MYH11: variants seen among roughly 807,000 people sequenced by gnomAD.
MYH11 encodes the protein myosin-11.
MYH11 carries 80 observed loss-of-function variants against 246.6 expected under a neutral mutation model. The ratio of observed to expected loss-of-function variants is 0.32; its 90% CI spans 0.27 to 0.39. The LOEUF is 0.39. MYH11 is among the 10% of genes least tolerant of loss of function. The probability of loss-of-function intolerance (pLI) is 1.00; values close to 1 mark genes in which losing one functional copy is unlikely to be tolerated. For synonymous variants in MYH11, 1,071 were observed against 1,015.5 expected, an observed-to-expected ratio of 1.05 and a Z score of -1.04; for missense variants, 2,158 against 2,546.8, an observed-to-expected ratio of 0.85 and a Z score of 3.29.
In MYH11 at chr16:15,724,980, T is replaced by G. The variant is rs1206843088; in HGVS notation, c.3871A>C (p.Ser1291Arg). ...KVHKLQNEVESVTGMLNEAEG... is the reference protein window; with the variant it reads ...KVHKLQNEVERVTGMLNEAEG... ...GCCTCGTTAAGCATCCCTGTGACGC[T>G]CTCAACTTCATTCTAAGGGTGCCAA... The change falls in exon 29 of 41, where the codon AGC (serine) becomes CGC (arginine). Residue 1291 changes from serine (S) to arginine (R), a missense_variant. Around this residue, in one of 11 missense-constraint regions of MYH11, gnomAD observed 1,013 missense variants for 993.5 expected, o/e 1.02. Transcript: ENST00000300036. 1 of 1,613,818 alleles carries G rather than the reference T, an allele frequency of 6.2e-7. No homozygotes were observed. Among genetic ancestry groups the G allele is most frequent in the African/African-American group, 1.3e-5 (1 of 74,884 alleles).
chr16:15,718,973 TAAA>T (rs2151202702), intron 36 of MYH11: 1 of 508,480 alleles, frequency 2.0e-6, no homozygotes, highest in East Asian at 3.8e-5. Context: ...ACTAAAAATA[TAAA>T]AATTAGCCAG....
intron 27 of MYH11, among the ~76,000 whole-genome samples, chr16:15,728,308 T>C (rs1419267808): frequency 3.3e-5 from 5 of 152,190 alleles, no homozygotes; most frequent in African/African-American, 4.8e-5. Flanking sequence ...TTAAAATTAA[T>C]GGAGCAGTAA....
intron 1 of MYH11, among the ~76,000 whole-genome samples, chr16:15,851,372 T>C (rs2044324716): frequency 6.6e-6 from 1 of 152,140 alleles, no homozygotes. Flanking sequence ...ATATAGACCA[T>C]CTCACTGTCT....
Position 15,703,872 on chromosome 16 carries a change from G to C in MYH11, c.*119C>G. On this transcript the variant is annotated 3_prime_UTR_variant, in exon 41 of 41. Transcript: ENST00000300036. ...TATTTGGAATTTGAGAATGGATTTAGACAATGCTAAGTACAGTCTGCTGGG... is the reference window on the plus strand; with the variant it reads ...TATTTGGAATTTGAGAATGGATTTACACAATGCTAAGTACAGTCTGCTGGG... The C allele has an allele frequency of 7.4e-7, 1 of 1,352,182 alleles. No homozygotes were observed. The highest frequency in any genetic ancestry group is 1.1e-6 in the Non-Finnish European group (1 of 948,710). 83.8% of individuals were successfully genotyped at this position (1,352,182 alleles called of 1,614,324 possible). A position where few individuals can be genotyped will look rare whatever the true frequency, so the allele number is the denominator to read the frequency against.
At chr16:15,741,016 G>A (rs1170283798) in intron 22 of MYH11, 1 of 306,076 alleles carries the variant, frequency 3.3e-6, no homozygotes, top group Non-Finnish European at 6.3e-6. Context: ...AGTAGAAGTG[G>A]GTCCTCCAGC....
chr16:15,712,143 C>A (rs1247090294), intron 40 of MYH11, among the ~76,000 whole-genome samples: 1 of 152,132 alleles, frequency 6.6e-6, no homozygotes, highest in East Asian at 1.9e-4. Context: ...GAGAGAGGAG[C>A]CAGTTTGGGG....
chr16:15,718,768 G>C, intron 36 of MYH11: 1 of 453,736 alleles, frequency 2.2e-6, no homozygotes, highest in Non-Finnish European at 4.0e-6. Flanking sequence ...AAGCGCTGAC[G>C]GAAAACCTAA....
intron 3 of MYH11, among the ~76,000 whole-genome samples, chr16:15,802,566 G>A (rs1450072057): frequency 6.6e-6 from 1 of 152,038 alleles, no homozygotes; most frequent in Non-Finnish European, 1.5e-5. Flanking sequence ...CTCCCTCTTC[G>A]GCCTCCCCTG....
chr16:15,836,310 C>T (rs754592656), intron 2 of MYH11, among the ~76,000 whole-genome samples: 1 of 152,144 alleles, frequency 6.6e-6, no homozygotes, highest in African/African-American at 2.4e-5. Context: ...CTACCCAGTA[C>T]ACCAGCCACT....
At position 15,717,183 on chromosome 16, in the gene MYH11, C is replaced by T. The variant is rs773689672; in HGVS notation, c.5461G>A (p.Ala1821Thr). Residue 1821 changes from alanine to threonine, a missense_variant, in exon 38 of 41, where the codon GCC becomes ACC. By Grantham distance (58) the Ala-to-Thr change is moderately conservative (BLOSUM62 0). Coordinates refer to ENST00000300036, the MANE Select transcript of MYH11 (RefSeq NM_002474.3). The stretch of plus-strand genomic sequence containing the variant: ...TGCTCCTCCAGCTGTGCAATCTTGG[C>T]CTCCAGCGCCGCGATGGTGGACTTG... ...KFKSTIAALE[A>T]KIAQLEEQVE... 13 of 1,614,092 alleles carry T rather than the reference C, an allele frequency of 8.1e-6. No homozygotes were observed. The East Asian group carries it at 1.3e-4, about 17-fold the overall frequency.
At chr16:15,856,038 T>A (rs2044458539) in intron 1 of MYH11, among the ~76,000 whole-genome samples, 1 of 152,142 alleles carries the variant, frequency 6.6e-6, no homozygotes, top group Non-Finnish European at 1.5e-5. Context: ...CAACAGGCAG[T>A]AGCCACACTT....
chr16:15,744,694 G>GTATTTTAAGA (rs2041368983), intron 20 of MYH11, among the ~76,000 whole-genome samples: 2 of 151,258 alleles, frequency 1.3e-5, no homozygotes, highest in African/African-American at 2.4e-5. Flanking sequence ...GTAGAGACAG[G>GTATTTTAAGA]GTTTTGCCAT....
rs759849688 is a variant in MYH11 at position 15,837,864 on chromosome 16, C to T, written c.345+44G>A. ...CAACACATTTCTAATGCCTACTTTC[C>T]TTATGAGGCCAGGAGTAGGTACCTG... On this transcript the variant is annotated intron_variant, in intron 2 of 40. Transcript: ENST00000300036. 2.6e-6 allele frequency: 4 copies of T among 1,555,762 alleles called. No individual in the cohort carries two copies. In the South Asian group the frequency reaches 4.4e-5, roughly 17 times the overall value.
At chr16:15,720,807 C>T (rs921980128) in intron 33 of MYH11, 32 bp downstream of exon 33, 9 of 1,606,946 alleles carry the variant, frequency 5.6e-6, no homozygotes, top group Non-Finnish European at 6.0e-6. Flanking sequence ...GCCACCCGAC[C>T]TCCCTCTGCT....
At chr16:15,785,007 G>GTTTTT in intron 5 of MYH11, 10 of 67,316 alleles carry the variant, frequency 1.5e-4, no homozygotes, top group South Asian at 3.9e-4. Context: ...TAATTCTCTT[G>GTTTTT]ATTTTTTTTT....
rs1368592900 is a variant in MYH11 at position 15,766,343 on chromosome 16, T to TGGTG, written c.1034-2456_1034-2453dup. 1.6e-3 allele frequency among the ~76,000 whole-genome samples: 204 copies of TGGTG among 128,930 alleles called. 1 individual carries two copies. Among genetic ancestry groups the TGGTG allele is most frequent in the South Asian group, 2.3e-3 (9 of 3,832 alleles). The allele number at this position is 128,930 out of a possible 152,430, so 84.6% of individuals were successfully genotyped here. ...TTATGTGAAGTGTACCCATGTTTTT[T>TGGTG]GGTGTGTGTGTGTGTGTGTGTGTGT... On this transcript the variant is annotated intron_variant, in intron 9 of 40. Transcript: ENST00000300036.
At chr16:15,722,285 A>G (rs942789457) in intron 31 of MYH11, among the ~76,000 whole-genome samples, 19 of 152,234 alleles carry the variant, frequency 1.2e-4, no homozygotes, top group African/African-American at 4.3e-4. Context: ...AGCTATTAAT[A>G]TCTTACAAAA....
At position 15,738,681 on chromosome 16, in the gene MYH11, T is replaced by C. The variant is rs755584033; in HGVS notation, c.3005A>G (p.Lys1002Arg). 6.2e-7 allele frequency: 1 copy of C among 1,613,872 alleles called. No individual in the cohort carries two copies. Among genetic ancestry groups the C allele is most frequent in the Admixed American group, 1.7e-5 (1 of 60,006 alleles). The change falls in exon 24 of 41, where the codon AAA (lysine) becomes AGA (arginine). Residue 1002 changes from lysine (K) to arginine (R), a missense_variant. Lys to Arg is a conservative substitution (Grantham distance 26). This residue lies in a region of MYH11 where 284 missense variants were observed against 315.4 expected (regional missense o/e 0.90). Transcript: ENST00000300036. ...DQNNKLSKER[K>R]LLEERISDLT... ...GTCACTAATCCTCTCCTCAAGGAGTTTTCGTTCCTTTTTGGGGAAAGAGAA... is the reference window on the plus strand; with the variant it reads ...GTCACTAATCCTCTCCTCAAGGAGTCTTCGTTCCTTTTTGGGGAAAGAGAA...
rs574393797 is a variant in MYH11, at chr16:15,726,708, G to A, written c.3858+140C>T. On this transcript the variant is annotated intron_variant, in intron 28 of 40. Transcript: ENST00000300036. ...TATTTAATTGAACAGGGAGATCATC[G>A]CCTCTCCTCCAGGAACGCAACTAGA... is the stretch of plus-strand genomic sequence containing the variant. 3.0e-5 allele frequency: 29 copies of A among 965,840 alleles called. 1 individual carries two copies. Among genetic ancestry groups the A allele is most frequent in the African/African-American group, 6.5e-5 (4 of 61,816 alleles). The allele number at this position is 965,840 out of a possible 1,614,324, so 59.8% of individuals were successfully genotyped here. A position where few individuals can be genotyped will look rare whatever the true frequency, so the allele number is the denominator to read the frequency against.
Sources: gnomAD v4.1 joint callset for allele counts (sites outside exome capture counted in the v4.1 genomes callset) on GRCh38, gnomAD v4.1.1 for gene constraint, gnomAD v4.1.1 regional missense constraint, MANE v1.5 for transcripts, NCBI Gene and HGNC (gene_info 2026-07-23, HGNC 2026-07-21) for gene names.